EYA1: variants seen among roughly 807,000 people sequenced by gnomAD.
EYA1 encodes protein phosphatase EYA1.
In EYA1, 16 loss-of-function variants were observed where a neutral mutation model predicts 82.0. The observed-to-expected ratio is 0.20, with a 90% CI of 0.13 to 0.30. The LOEUF is 0.30. Among genes scored for constraint, EYA1 ranks in the 10% least tolerant of loss-of-function variants. The pLI, the probability that EYA1 is intolerant of heterozygous loss-of-function variation, is 1.00. For missense variants in EYA1, 633 were observed against 730.7 expected (o/e 0.87, Z 1.54); for synonymous variants, 261 against 264.4 (o/e 0.99, Z 0.12).
chr8:71,199,317 C>T lies in EYA1; in HGVS notation c.*23G>A, dbSNP rs373876510. 2,837 of 1,552,970 alleles carry T rather than the reference C, an allele frequency of 1.8e-3. 16 individuals are homozygous for T. The highest frequency in any genetic ancestry group is 8.3e-3 in the South Asian group (735 of 88,422). On this transcript the variant is annotated 3_prime_UTR_variant, in exon 18 of 18. Transcript: ENST00000340726. ...TGTCCCTGGTCACAGAGCAGCTGTG[C>T]GCTGTCAAAGTGCCGAGCGCTGTTA...
chr8:71,320,630 T>C (rs1345763935), intron 6 of EYA1, among the ~76,000 whole-genome samples: 1 of 152,176 alleles, frequency 6.6e-6, no homozygotes, highest in Non-Finnish European at 1.5e-5. Context: ...CTGATGGTTT[T>C]AAAATAAAAC....
intron 2 of EYA1, among the ~76,000 whole-genome samples, chr8:71,426,574 G>A (rs2129155793): frequency 6.6e-6 from 1 of 152,350 alleles, no homozygotes; most frequent in Non-Finnish European, 1.5e-5. Context: ...TTCGTGGTTT[G>A]CCTTGCCCTT....
At chr8:71,341,823 T>C (rs1388212011) in intron 3 of EYA1, among the ~76,000 whole-genome samples, 1 of 152,196 alleles carries the variant, frequency 6.6e-6, no homozygotes, top group Non-Finnish European at 1.5e-5. Flanking sequence ...CAGACTAAAC[T>C]TGAATTTAAG....
intron 2 of EYA1, among the ~76,000 whole-genome samples, chr8:71,510,148 C>T (rs1050024663): frequency 6.6e-6 from 1 of 152,088 alleles, no homozygotes; most frequent in Non-Finnish European, 1.5e-5. Context: ...CTAGCAGAGG[C>T]TTTAAATGTA....
chr8:71,216,166 T>C (rs1199989733), intron 14 of EYA1, among the ~76,000 whole-genome samples: 2 of 152,202 alleles, frequency 1.3e-5, no homozygotes, highest in Non-Finnish European at 2.9e-5. Context: ...TAGAAAGGCC[T>C]TTATCCAAAG....
chr8:71,340,770 A>T (rs908154242), intron 3 of EYA1, among the ~76,000 whole-genome samples: 3 of 151,862 alleles, frequency 2.0e-5, no homozygotes, highest in Non-Finnish European at 4.4e-5. Flanking sequence ...GACCAAAAAA[A>T]CTCAGCTACA....
Position 71,215,726 on chromosome 8 carries a change from G to A in EYA1, c.1363C>T (p.Leu455=). ...YNTYKNNVGG[L]LGPAKREAWL... is the part of the protein sequence containing the mutation. The stretch of plus-strand genomic sequence containing the variant: ...GCTTCCCTCTTAGCTGGACCAAGCA[G>A]ACCTGAGGATTTAAAAGCACATGAT... The change falls in exon 15 of 18, where the codon CTG becomes TTG. Residue 455 remains leucine (L), a splice_region_variant and synonymous_variant. Coordinates refer to ENST00000340726, the MANE Select transcript of EYA1 (RefSeq NM_000503.6). 1 of 1,610,624 alleles carries A rather than the reference G, an allele frequency of 6.2e-7. No individual in the cohort carries two copies. The highest frequency in any genetic ancestry group is 8.5e-7 in the Non-Finnish European group (1 of 1,176,866).
intron 12 of EYA1, among the ~76,000 whole-genome samples, chr8:71,240,625 C>T (rs1335253391): frequency 1.3e-5 from 2 of 152,184 alleles, no homozygotes; most frequent in Non-Finnish European, 2.9e-5. Flanking sequence ...TTAAAGGTCA[C>T]TCTGTCAACA....
At chr8:71,419,675 A>G (rs922328252) in intron 2 of EYA1, among the ~76,000 whole-genome samples, 2 of 152,140 alleles carry the variant, frequency 1.3e-5, no homozygotes, top group Non-Finnish European at 2.9e-5. Context: ...AATTTTCCAT[A>G]AAGTTTTTTA....
At chr8:71,267,054 C>T (rs534300893) in intron 11 of EYA1, among the ~76,000 whole-genome samples, 199 of 152,240 alleles carry the variant, frequency 1.3e-3, no homozygotes, top group Non-Finnish European at 2.3e-3. Context: ...AATTTGGACC[C>T]CCATTTTTCT....
chr8:71,448,257 C>A (rs544213317), intron 2 of EYA1, among the ~76,000 whole-genome samples: 1 of 152,212 alleles, frequency 6.6e-6, no homozygotes, highest in African/African-American at 2.4e-5. Context: ...CTCAACTAGG[C>A]TGATGTAATA....
At chr8:71,309,589 AC>A (rs1821109618) in intron 7 of EYA1, among the ~76,000 whole-genome samples, 1 of 152,244 alleles carries the variant, frequency 6.6e-6, no homozygotes, top group African/African-American at 2.4e-5. Context: ...AAGTAAAAAT[AC>A]CTTTTCTATA....
chr8:71,248,438 C>T (rs1214783161), intron 11 of EYA1, among the ~76,000 whole-genome samples: 1 of 152,220 alleles, frequency 6.6e-6, no homozygotes, highest in African/African-American at 2.4e-5. Flanking sequence ...TTTGCCAAAG[C>T]AAGATTTTGC....
chr8:71,264,277 A>G (rs943907551), intron 11 of EYA1, among the ~76,000 whole-genome samples: 13 of 152,334 alleles, frequency 8.5e-5, no homozygotes, highest in African/African-American at 2.9e-4. Flanking sequence ...CCTAAAGCAG[A>G]GTAGGAACAA....
At chr8:71,494,173 A>C (rs866861145) in intron 2 of EYA1, among the ~76,000 whole-genome samples, 1 of 152,158 alleles carries the variant, frequency 6.6e-6, no homozygotes, top group Non-Finnish European at 1.5e-5. Context: ...ATAGCTTGGC[A>C]TATAATTTCA....
chr8:71,425,997 A>G (rs1025137588), intron 2 of EYA1, among the ~76,000 whole-genome samples: 1 of 152,198 alleles, frequency 6.6e-6, no homozygotes, highest in African/African-American at 2.4e-5. Flanking sequence ...GGCTGATAGA[A>G]CCTTGTATTT....
At chr8:71,247,700 A>G (rs1813275693) in intron 11 of EYA1, among the ~76,000 whole-genome samples, 1 of 152,206 alleles carries the variant, frequency 6.6e-6, no homozygotes, top group East Asian at 1.9e-4. Context: ...CAAGGAGTTT[A>G]AGTATCAGTA....
At chr8:71,460,626 A>G (rs989058445) in intron 2 of EYA1, among the ~76,000 whole-genome samples, 1 of 152,196 alleles carries the variant, frequency 6.6e-6, no homozygotes, top group African/African-American at 2.4e-5. Flanking sequence ...GAAGGAAACC[A>G]CAATGCGAAG....
chr8:71,252,514 C>T (rs939455135), intron 11 of EYA1, among the ~76,000 whole-genome samples: 5 of 151,942 alleles, frequency 3.3e-5, no homozygotes, highest in Non-Finnish European at 7.4e-5. Flanking sequence ...TTGAGGTGAC[C>T]ATATTTTTAA....
Sources: gnomAD v4.1 joint callset for allele counts (sites outside exome capture counted in the v4.1 genomes callset) on GRCh38, gnomAD v4.1.1 for gene constraint, MANE v1.5 for transcripts, NCBI Gene and HGNC (gene_info 2026-07-23, HGNC 2026-07-21) for gene names.